The following WSCD2 variants were observed in gnomAD, a reference collection of about 807,000 sequenced individuals.
The protein encoded by WSCD2 is sialate:O-sulfotransferase 2.
Under a neutral mutation model 55.7 loss-of-function variants are expected in WSCD2, and 28 were observed. The ratio of observed to expected loss-of-function variants is 0.50; its 90% CI spans 0.37 to 0.69. The LOEUF (loss-of-function observed/expected upper bound fraction) is 0.69, where lower values mean the gene tolerates loss of function less well. Ranked by LOEUF, WSCD2 falls within the 30% of genes least tolerant of loss-of-function variation. The pLI is 0.00. For missense variants in WSCD2, 616 were observed against 762.1 expected (o/e 0.81, Z 2.26); for synonymous variants, 301 against 301.9 (o/e 1.00, Z 0.03).
chr12:108,247,777 T>C (rs762332643), intron 8 of WSCD2, among the ~76,000 whole-genome samples: 3 of 152,184 alleles, frequency 2.0e-5, no homozygotes, highest in Non-Finnish European at 4.4e-5. Flanking sequence ...GGCTGGTCTT[T>C]AACTCCTGGC....
chr12:108,149,780 G>C (rs1056121561), intron 1 of WSCD2: 1 of 152,166 alleles, frequency 6.6e-6, no homozygotes, highest in Non-Finnish European at 1.5e-5. Context: ...GACAGACCCA[G>C]TTCCTATCCC....
chr12:108,224,859 A>C lies in WSCD2; in HGVS notation c.803A>C (p.Lys268Thr). The change falls in exon 5 of 9, where the codon AAG (lysine) becomes ACG (threonine). Residue 268 changes from lysine (K) to threonine (T), a missense_variant and splice_region_variant. Transcript: ENST00000547525. ...AAATGCGTGGACTTCTGCACTGAGAAGGTGAGCACAAGGTGGGGCCCATGG... is the reference window on the plus strand; with the variant it reads ...AAATGCGTGGACTTCTGCACTGAGACGGTGAGCACAAGGTGGGGCCCATGG... ...VDKCVDFCTE[K>T]EYPLAALAGT... The C allele has an allele frequency of 6.2e-7, 1 of 1,612,808 alleles. No individual in the cohort carries two copies. The highest frequency in any genetic ancestry group is 1.3e-5 in the African/African-American group (1 of 75,068).
At chr12:108,227,231 C>T (rs1888205674) in intron 6 of WSCD2, 67 bp downstream of exon 6, 23 of 1,545,962 alleles carry the variant, frequency 1.5e-5, no homozygotes, top group Non-Finnish European at 2.0e-5. Flanking sequence ...AGACGTGTTC[C>T]TGCCAGTCCA....
intron 1 of WSCD2, chr12:108,149,853 T>C (rs1877787752): frequency 6.6e-6 from 1 of 152,212 alleles, no homozygotes; most frequent in South Asian, 2.1e-4. Context: ...CCAGGCACTC[T>C]TCTCAGGACA....
chr12:108,169,131 A>G (rs1027183262), intron 1 of WSCD2, among the ~76,000 whole-genome samples: 9 of 152,166 alleles, frequency 5.9e-5, no homozygotes, highest in Admixed American at 1.3e-4. Context: ...AATGCCTTCC[A>G]TCACCTCCAG....
intron 4 of WSCD2, among the ~76,000 whole-genome samples, chr12:108,213,015 C>T (rs555144237): frequency 1.8e-3 from 281 of 152,232 alleles, no homozygotes; most frequent in Non-Finnish European, 3.4e-3. Context: ...GCAGCTTGGA[C>T]AAGGAGAGAG....
rs760590143 is a variant in WSCD2 at position 108,226,998 on chromosome 12, G to T, written c.813G>T (p.Pro271=). 6.2e-7 allele frequency: 1 copy of T among 1,613,196 alleles called. No homozygotes were observed. Among genetic ancestry groups the T allele is most frequent in the South Asian group, 1.1e-5 (1 of 90,984 alleles). Residue 271 remains proline (P), a synonymous_variant, in exon 6 of 9, where the codon CCG becomes CCT. Transcript: ENST00000547525. ...TCCCACTCCATCCCCAGGAGTACCCGCTGGCAGCTCTTGCAGGCACCGCCT... is the reference window on the plus strand; with the variant it reads ...TCCCACTCCATCCCCAGGAGTACCCTCTGGCAGCTCTTGCAGGCACCGCCT... ...CVDFCTEKEY[P]LAALAGTACH...
intron 7 of WSCD2, 78 bp downstream of exon 7, chr12:108,232,973 C>A (rs905153834): frequency 9.9e-5 from 153 of 1,550,340 alleles, no homozygotes; most frequent in Non-Finnish European, 1.3e-4. Flanking sequence ...TATGGGAATA[C>A]TCCTCCTTGA....
intron 1 of WSCD2, chr12:108,171,615 A>G (rs1188519683): frequency 6.6e-6 from 1 of 152,250 alleles, no homozygotes; most frequent in Non-Finnish European, 1.5e-5. Context: ...TTTTTAACAT[A>G]ACTTCTAGAA....
At position 108,195,638 on chromosome 12, in the gene WSCD2, T is replaced by A. The variant is rs1171441718; in HGVS notation, c.-195T>A. ...AGTTTGGGAGGGCTGGTAAGCTCCA[T>A]CCTTTCTCATGGCCTCAGCCAAGCA... On this transcript the variant is annotated 5_prime_UTR_variant, in exon 2 of 9. Coordinates refer to ENST00000547525, the MANE Select transcript of WSCD2 (RefSeq NM_014653.4). 2.6e-5 allele frequency: 20 copies of A among 756,056 alleles called. No individual in the cohort carries two copies. The highest frequency in any genetic ancestry group is 5.6e-5 in the East Asian group (2 of 35,976). 46.8% of individuals were successfully genotyped at this position (756,056 alleles called of 1,614,324 possible).
At chr12:108,209,916 C>A (rs1383195787) in intron 3 of WSCD2, among the ~76,000 whole-genome samples, 2 of 151,970 alleles carry the variant, frequency 1.3e-5, no homozygotes, top group African/African-American at 4.8e-5. Flanking sequence ...CAGGTCTCCA[C>A]AATGGGTGGG....
chr12:108,206,299 C>T lies in WSCD2; in HGVS notation c.393C>T (p.Ile131=), dbSNP rs777503597. The change falls in exon 3 of 9, where the codon ATC becomes ATT. Residue 131 remains isoleucine, a synonymous_variant. Transcript: ENST00000547525. The stretch of plus-strand genomic sequence containing the variant: ...TTCCTTTCCCCAAAGCCAAGTACAT[C>T]GGCTGCTACCTGGATGACACCCAGA... The part of the protein sequence containing the change: ...REKEEERAKY[I]GCYLDDTQSR... 1.1e-5 allele frequency: 17 copies of T among 1,614,070 alleles called. No individual in the cohort carries two copies. The highest frequency in any genetic ancestry group is 6.7e-5 in the East Asian group (3 of 44,896).
In WSCD2 at chr12:108,196,227, A is replaced by G; in HGVS notation, c.382+13A>G. 6.2e-7 allele frequency: 1 copy of G among 1,606,736 alleles called. No homozygotes were observed. ...GAGGAAGAGCGAGGTAAGAGCGAGG[A>G]ACATCTGGACACTGAGGGGCTGGGG... On this transcript the variant is annotated intron_variant, in intron 2 of 8. Coordinates refer to ENST00000547525, the MANE Select transcript of WSCD2 (RefSeq NM_014653.4).
chr12:108,167,690 G>A (rs1386947064), intron 1 of WSCD2: 1 of 152,222 alleles, frequency 6.6e-6, no homozygotes, highest in African/African-American at 2.4e-5. Context: ...ACTGCCAGGA[G>A]GCCAAGCTCA....
rs7967316 is a variant in WSCD2, at chr12:108,164,139, C to G, written c.-551-31143C>G. On this transcript the variant is annotated intron_variant, in intron 1 of 8. Coordinates refer to ENST00000547525, the MANE Select transcript of WSCD2 (RefSeq NM_014653.4). ...TTATACTGTTGTTTAATCTTAAATC[C>G]TTTTTTTTTTTTTTTTTTTTTTTCA... is the stretch of plus-strand genomic sequence containing the variant. Among the ~76,000 whole-genome samples, 2 of 85,312 alleles carry G rather than the reference C, an allele frequency of 2.3e-5. 1 individual carries two copies. Among genetic ancestry groups the G allele is most frequent in the Non-Finnish European group, 4.3e-5 (2 of 46,392 alleles). 56.0% of individuals were successfully genotyped at this position (85,312 alleles called of 152,430 possible). A position where few individuals can be genotyped will look rare whatever the true frequency, so the allele number is the denominator to read the frequency against.
At position 108,218,563 on chromosome 12, in the gene WSCD2, C is replaced by A. The variant is rs192307617; in HGVS notation, c.683-6176C>A. Reference sequence around the variant, plus strand: ...CTTGGGGGCAGGGGAGAGGGCACAGCGCTTGGCCAAGGAAGCCTAGAGGAA... The same window carrying A: ...CTTGGGGGCAGGGGAGAGGGCACAGAGCTTGGCCAAGGAAGCCTAGAGGAA... On this transcript the variant is annotated intron_variant, in intron 4 of 8. Transcript: ENST00000547525. Among the ~76,000 whole-genome samples the A allele has an allele frequency of 1.3e-3, 201 of 152,316 alleles. 1 individual carries two copies. The highest frequency in any genetic ancestry group is 4.8e-3 in the African/African-American group (198 of 41,572).
chr12:108,238,712 T>C (rs1328914758), intron 7 of WSCD2, among the ~76,000 whole-genome samples: 1 of 152,198 alleles, frequency 6.6e-6, no homozygotes. Flanking sequence ...GAATGACTCA[T>C]TGGGTTGTAA....
intron 1 of WSCD2, among the ~76,000 whole-genome samples, chr12:108,155,203 G>A (rs1878396712): frequency 6.6e-6 from 1 of 152,166 alleles, no homozygotes; most frequent in South Asian, 2.1e-4. Flanking sequence ...TTAGTATGTT[G>A]GAAGTGGGAG....
In WSCD2 at chr12:108,164,138, CCTTT is replaced by C. The variant is rs1463356405; in HGVS notation, c.-551-31143_-551-31140del. 1.8e-3 allele frequency among the ~76,000 whole-genome samples: 128 copies of C among 71,740 alleles called. 31 individuals carry two copies. Among genetic ancestry groups the C allele is most frequent in the African/African-American group, 2.3e-3 (47 of 20,398 alleles). The allele number at this position is 71,740 out of a possible 152,430, so 47.1% of individuals were successfully genotyped here. On this transcript the variant is annotated intron_variant, in intron 1 of 8. Transcript: ENST00000547525. ...TTTATACTGTTGTTTAATCTTAAAT[CCTTT>C]TTTTTTTTTTTTTTTTTTTTCAGAG...
Sources: allele counts gnomAD v4.1 joint callset (sites outside exome capture counted in the v4.1 genomes callset), GRCh38; gene constraint gnomAD v4.1.1; transcripts MANE v1.5; gene names NCBI Gene and HGNC (gene_info 2026-07-23, HGNC 2026-07-21).